Variants in C8orf34 observed in about 807,000 individuals in gnomAD.
The protein encoded by C8orf34 is chromosome 8 open reading frame 34, also known as uncharacterized protein C8orf34.
Under a neutral mutation model 68.3 loss-of-function variants are expected in C8orf34, and 65 were observed. The observed-to-expected ratio is 0.95, with a 90% CI of 0.78 to 1.17. The LOEUF (loss-of-function observed/expected upper bound fraction) is 1.17. Ranked by LOEUF, C8orf34 falls within the 50% of genes most tolerant of loss-of-function variation. The probability of loss-of-function intolerance (pLI) is 0.00; values close to 1 mark genes in which losing one functional copy is unlikely to be tolerated. For synonymous variants in C8orf34, 244 were observed against 241.2 expected, an observed-to-expected ratio of 1.01 and a Z score of -0.11; for missense variants, 664 against 655.4, an observed-to-expected ratio of 1.01 and a Z score of -0.14.
chr8:68,360,752 C>CTTTTTTTTTTTTT (rs1319672272), intron 1 of C8orf34, among the ~76,000 whole-genome samples: 3 of 144,192 alleles, frequency 2.1e-5, no homozygotes, highest in African/African-American at 8.0e-5. Context: ...CCTTTTCTTC[C>CTTTTTTTTTTTTT]TTTCTTTTTT....
chr8:68,628,304 G>A (rs1366393261), intron 7 of C8orf34, among the ~76,000 whole-genome samples: 1 of 152,100 alleles, frequency 6.6e-6, no homozygotes, highest in Admixed American at 6.6e-5. Context: ...AAAGAAGAAT[G>A]CTGAATTCAT....
chr8:68,497,334 A>G (rs1460538799), intron 5 of C8orf34, among the ~76,000 whole-genome samples: 1 of 152,244 alleles, frequency 6.6e-6, no homozygotes, highest in African/African-American at 2.4e-5. Context: ...TACCTGGCAG[A>G]TTAACAAAAA....
chr8:68,535,761 A>G (rs1815440079), intron 7 of C8orf34: 1 of 955,696 alleles, frequency 1.0e-6, no homozygotes, highest in African/African-American at 1.8e-5. Context: ...CTCCTTATAA[A>G]TTCACATTGC....
At chr8:68,517,741 C>T (rs1214680492) in intron 5 of C8orf34, among the ~76,000 whole-genome samples, 5 of 152,176 alleles carry the variant, frequency 3.3e-5, no homozygotes, top group Non-Finnish European at 5.9e-5. Context: ...CTTACAGTGC[C>T]TAAACTCATC....
chr8:68,568,484 C>A (rs541689044), intron 7 of C8orf34, among the ~76,000 whole-genome samples: 2 of 151,720 alleles, frequency 1.3e-5, no homozygotes, highest in Admixed American at 1.3e-4. Flanking sequence ...GACACAGACA[C>A]GAAGTGAGCC....
intron 3 of C8orf34, among the ~76,000 whole-genome samples, chr8:68,459,236 T>C (rs1190461769): frequency 6.6e-6 from 1 of 152,138 alleles, no homozygotes; most frequent in Non-Finnish European, 1.5e-5. Context: ...TTTCTTTTTT[T>C]CTTTTTTTTC....
At chr8:68,405,966 A>G (rs1031233792) in intron 1 of C8orf34, among the ~76,000 whole-genome samples, 2 of 152,208 alleles carry the variant, frequency 1.3e-5, no homozygotes, top group African/African-American at 2.4e-5. Context: ...GAGGAAGAAA[A>G]CAAAGGTATG....
intron 8 of C8orf34, among the ~76,000 whole-genome samples, chr8:68,648,628 T>C (rs1337049562): frequency 6.6e-6 from 1 of 152,098 alleles, no homozygotes; most frequent in African/African-American, 2.4e-5. Flanking sequence ...TTAACATCAA[T>C]AGTGCACAAA....
At chr8:68,616,199 T>G (rs1289359316) in intron 7 of C8orf34, among the ~76,000 whole-genome samples, 9 of 151,880 alleles carry the variant, frequency 5.9e-5, no homozygotes, top group African/African-American at 2.2e-4. Context: ...TTATTAGTCT[T>G]GCTAGCGGTC....
chr8:68,776,701 A>C (rs1823529406), intron 11 of C8orf34, among the ~76,000 whole-genome samples: 1 of 152,198 alleles, frequency 6.6e-6, no homozygotes, highest in Admixed American at 6.5e-5. Flanking sequence ...TGGTACTAAT[A>C]TATATTTTTA....
intron 5 of C8orf34, among the ~76,000 whole-genome samples, chr8:68,511,146 T>C (rs760136159): frequency 6.6e-6 from 1 of 152,240 alleles, no homozygotes; most frequent in Admixed American, 6.5e-5. Flanking sequence ...ACTATATTGC[T>C]GTTATAAATA....
chr8:68,527,200 A>G (rs1815036466), intron 6 of C8orf34, among the ~76,000 whole-genome samples: 1 of 152,270 alleles, frequency 6.6e-6, no homozygotes, highest in South Asian at 2.1e-4. Flanking sequence ...CTTTGAACAC[A>G]TAATGATATT....
rs10957439 is a variant in C8orf34, at chr8:68,597,584, G to C, written c.1106-42792G>C. The stretch of plus-strand genomic sequence containing the variant: ...TCTGCCACATTGTGGTGGTGTGTGT[G>C]TGTGTGTGTGTGTGTGTGCACGGAC... On this transcript the variant is annotated intron_variant, in intron 7 of 13. Transcript: ENST00000518698. 2.9e-4 allele frequency among the ~76,000 whole-genome samples: 23 copies of C among 78,360 alleles called. No individual in the cohort carries two copies. The South Asian group carries it at 4.3e-3, about 15-fold the overall frequency. 51.4% of individuals were successfully genotyped at this position (78,360 alleles called of 152,430 possible). A position where few individuals can be genotyped will look rare whatever the true frequency, so the allele number is the denominator to read the frequency against.
intron 4 of C8orf34, among the ~76,000 whole-genome samples, chr8:68,479,873 G>A (rs576610452): frequency 3.5e-4 from 53 of 152,310 alleles, no homozygotes; most frequent in African/African-American, 1.1e-3. Context: ...GCAGGGCTCA[G>A]CAAACTCTCG....
chr8:68,488,802 G>T (rs1813187168), intron 5 of C8orf34, among the ~76,000 whole-genome samples: 1 of 152,002 alleles, frequency 6.6e-6, no homozygotes, highest in African/African-American at 2.4e-5. Flanking sequence ...AGAGAGATTT[G>T]ATTTATAACT....
chr8:68,669,450 G>T (rs1819941928), intron 8 of C8orf34, among the ~76,000 whole-genome samples: 1 of 152,138 alleles, frequency 6.6e-6, no homozygotes, highest in Non-Finnish European at 1.5e-5. Flanking sequence ...ATGTTTTTAT[G>T]TACCCATTTA....
intron 7 of C8orf34, among the ~76,000 whole-genome samples, chr8:68,584,951 G>A (rs1197156180): frequency 6.6e-6 from 1 of 152,134 alleles, no homozygotes; most frequent in East Asian, 1.9e-4. Flanking sequence ...CCATGGAAAT[G>A]TAGTGATATG....
intron 1 of C8orf34, among the ~76,000 whole-genome samples, chr8:68,351,187 G>T (rs1028803842): frequency 2.0e-5 from 3 of 152,012 alleles, no homozygotes; most frequent in Non-Finnish European, 4.4e-5. Context: ...TTGCTTACCT[G>T]AAAAGAATCT....
chr8:68,476,051 AC>A (rs1554559128), intron 4 of C8orf34, among the ~76,000 whole-genome samples: 1 of 152,230 alleles, frequency 6.6e-6, no homozygotes, highest in Non-Finnish European at 1.5e-5. Flanking sequence ...TCAGGAATGT[AC>A]CCAAGAAGTC....
Sources: gnomAD v4.1 joint callset for allele counts (sites outside exome capture counted in the v4.1 genomes callset) on GRCh38, gnomAD v4.1.1 for gene constraint, MANE v1.5 for transcripts, NCBI Gene and HGNC (gene_info 2026-07-23, HGNC 2026-07-21) for gene names.